The following ACCSL variants were observed in gnomAD, a reference collection of about 807,000 sequenced individuals.
The protein encoded by ACCSL is 1-aminocyclopropane-1-carboxylate synthase homolog (inactive) like.
Under a neutral mutation model 61.7 loss-of-function variants are expected in ACCSL, and 55 were observed. The observed-to-expected ratio is 0.89, with a 90% CI of 0.72 to 1.12. The LOEUF (loss-of-function observed/expected upper bound fraction) is 1.12. Among genes scored for constraint, ACCSL ranks in the 50% most tolerant of loss-of-function variants. The pLI is 0.00. For synonymous variants in ACCSL, 258 were observed against 264.3 expected (o/e 0.98, Z 0.23); for missense variants, 632 against 698.0 (o/e 0.91, Z 1.07).
the ACCSL span, chr11:43,942,565 G>A: frequency 1.0e-5 from 3 of 294,460 alleles, no homozygotes; most frequent in South Asian, 2.5e-5. Context: ...AATGGCATTC[G>A]CTGTCATCCG....
At chr11:43,951,694 CAG>C in the ACCSL span, among the ~76,000 whole-genome samples, 7 of 152,178 alleles carry the variant, frequency 4.6e-5, 1 homozygote, top group African/African-American at 1.4e-4. Flanking sequence ...GAAGCTGTAA[CAG>C]GGGTTGTTAT....
At chr11:43,972,675 G>A in the ACCSL span, among the ~76,000 whole-genome samples, 13 of 152,208 alleles carry the variant, frequency 8.5e-5, no homozygotes, top group Admixed American at 8.5e-4. Context: ...TTAAGGGACA[G>A]GTGATTTACA....
the ACCSL span, among the ~76,000 whole-genome samples, chr11:44,009,599 C>G: frequency 2.6e-5 from 4 of 152,078 alleles, no homozygotes; most frequent in Non-Finnish European, 5.9e-5. Flanking sequence ...GACCCTGTCT[C>G]TACTAAAAAT....
At chr11:43,932,482 A>C in the ACCSL span, among the ~76,000 whole-genome samples, 38 of 152,264 alleles carry the variant, frequency 2.5e-4, no homozygotes, top group African/African-American at 8.7e-4. Flanking sequence ...TTGCCCAGGC[A>C]GGTCTCGAAC....
the ACCSL span, among the ~76,000 whole-genome samples, chr11:44,032,109 T>A: frequency 1.3e-5 from 2 of 152,236 alleles, no homozygotes; most frequent in African/African-American, 4.8e-5. Flanking sequence ...AATGTATTAT[T>A]TCTCACAATT....
the ACCSL span, among the ~76,000 whole-genome samples, chr11:44,003,111 G>T: frequency 6.6e-6 from 1 of 152,160 alleles, no homozygotes; most frequent in Non-Finnish European, 1.5e-5. Flanking sequence ...ATTATATTTT[G>T]CAGAAAAGTA....
Position 44,056,244 on chromosome 11 carries a change from C to T in ACCSL, c.1245C>T (p.Ala415=), listed in dbSNP as rs760889524. ...TGTATACCCACAACAAGGAGGTGGC[C>T]TCTGCTGTGAGTGCCTTTGGCTACC... ...GALYTHNKEV[A]SAVSAFGYLH... The change falls in exon 11 of 14, where the codon GCC becomes GCT. Residue 415 remains alanine (A), a synonymous_variant. Coordinates refer to ENST00000378832, the MANE Select transcript of ACCSL (RefSeq NM_001031854.2). 3.1e-6 allele frequency: 5 copies of T among 1,614,074 alleles called. No individual in the cohort carries two copies. The African/African-American group carries it at 6.7e-5, about 22-fold the overall frequency.
At chr11:43,922,025 T>A in the ACCSL span, among the ~76,000 whole-genome samples, 11 of 152,236 alleles carry the variant, frequency 7.2e-5, no homozygotes, top group African/African-American at 2.4e-4. Context: ...TTGCTGGTGC[T>A]AGATCTGAAC....
chr11:43,951,798 C>T, the ACCSL span, among the ~76,000 whole-genome samples: 7 of 152,216 alleles, frequency 4.6e-5, no homozygotes, highest in Admixed American at 1.3e-4. Context: ...GTCAGGAGTT[C>T]GAGACCAGCC....
chr11:44,055,954 C>G, intron 9 of ACCSL, 86 bp from the exon 10 acceptor site: 9 of 1,529,000 alleles, frequency 5.9e-6, no homozygotes, highest in Non-Finnish European at 8.1e-6. Context: ...TAGGACCAAC[C>G]TCAAATCTAC....
the ACCSL span, among the ~76,000 whole-genome samples, chr11:43,926,211 G>T: frequency 0.63 from 95,299 of 151,972 alleles, 30,455 homozygotes; most frequent in East Asian, 0.9. Context: ...AGAGCTCCCA[G>T]ATGCCAAAGT....
At chr11:44,019,948 A>T in the ACCSL span, among the ~76,000 whole-genome samples, 9 of 152,324 alleles carry the variant, frequency 5.9e-5, no homozygotes, top group Middle Eastern at 3.4e-3. Flanking sequence ...GTAGGGGTCT[A>T]ATTCCATCCT....
chr11:43,942,833 G>T, the ACCSL span: 8 of 1,115,782 alleles, frequency 7.2e-6, no homozygotes, highest in South Asian at 1.7e-4. Context: ...CTCCCGGGGG[G>T]CCCCGGCGCA....
the ACCSL span, among the ~76,000 whole-genome samples, chr11:44,002,245 G>A: frequency 1.1e-4 from 17 of 152,010 alleles, no homozygotes; most frequent in African/African-American, 2.2e-4. Flanking sequence ...TTGAGAGCGC[G>A]CCTCCCCATG....
the ACCSL span, among the ~76,000 whole-genome samples, chr11:43,993,768 A>T: frequency 2.0e-5 from 3 of 152,166 alleles, no homozygotes; most frequent in Non-Finnish European, 2.9e-5. Flanking sequence ...AAGGATCCCT[A>T]TACTAACCAT....
At chr11:44,021,745 T>C in the ACCSL span, among the ~76,000 whole-genome samples, 2 of 152,206 alleles carry the variant, frequency 1.3e-5, no homozygotes, top group Non-Finnish European at 2.9e-5. Context: ...ATTTTTATGG[T>C]TTCAGGTCTT....
chr11:43,943,870 A>G, the ACCSL span: 1 of 1,255,680 alleles, frequency 8.0e-7, no homozygotes, highest in South Asian at 1.4e-5. The surrounding 1 kb of genome is among the most constrained non-coding windows in gnomAD (Gnocchi z 4.8). Context: ...AAGTCAATAT[A>G]TTTGCACAGT....
At chr11:44,018,267 C>T in the ACCSL span, among the ~76,000 whole-genome samples, 57 of 152,156 alleles carry the variant, frequency 3.7e-4, no homozygotes, top group Non-Finnish European at 6.3e-4. Context: ...TCCAGGCAGA[C>T]GACTCAGCCA....
chr11:43,954,480 C>T, the ACCSL span, among the ~76,000 whole-genome samples: 4 of 152,198 alleles, frequency 2.6e-5, no homozygotes, highest in South Asian at 2.1e-4. Context: ...ACCAGGTGTG[C>T]CATTTGCATA....
Sources: gnomAD v4.1 joint callset for allele counts (sites outside exome capture counted in the v4.1 genomes callset) on GRCh38, gnomAD v4.1.1 for gene constraint, Gnocchi (gnomAD v3.1) non-coding constraint, MANE v1.5 for transcripts, NCBI Gene and HGNC (gene_info 2026-07-23, HGNC 2026-07-21) for gene names.